The following ST6GALNAC3 variants were observed in gnomAD, a reference collection of about 807,000 sequenced individuals.
The protein encoded by ST6GALNAC3 is alpha-N-acetylgalactosaminide alpha-2,6-sialyltransferase 3.
Under a neutral mutation model 32.7 loss-of-function variants are expected in ST6GALNAC3, and 25 were observed. The observed-to-expected ratio is 0.76, with a 90% confidence interval of 0.56 to 1.07. ST6GALNAC3 has a LOEUF of 1.07. Ranked by LOEUF, ST6GALNAC3 falls within the 50% of genes least tolerant of loss-of-function variation. ST6GALNAC3 has a pLI of 0.00. For missense variants in ST6GALNAC3, 355 were observed against 382.4 expected (o/e 0.93, Z 0.60); for synonymous variants, 129 against 133.1 (o/e 0.97, Z 0.21).
chr1:76,462,715 A>C (rs1658363092), intron 3 of ST6GALNAC3, among the ~76,000 whole-genome samples: 1 of 152,184 alleles, frequency 6.6e-6, no homozygotes, highest in South Asian at 2.1e-4. Context: ...AGGCACATAG[A>C]CACAGTATTT....
At chr1:76,276,007 A>G (rs557737797) in intron 1 of ST6GALNAC3, among the ~76,000 whole-genome samples, 22 of 152,252 alleles carry the variant, frequency 1.4e-4, no homozygotes, top group Admixed American at 9.8e-4. Context: ...AATAGCTAGC[A>G]TTTCCAGGTT....
intron 2 of ST6GALNAC3, among the ~76,000 whole-genome samples, chr1:76,380,300 A>G (rs892679741): frequency 3.9e-5 from 6 of 152,212 alleles, no homozygotes; most frequent in African/African-American, 1.4e-4. Flanking sequence ...TAAACAAAAA[A>G]TGATGGATCA....
chr1:76,464,482 C>T (rs1013622142), intron 3 of ST6GALNAC3, among the ~76,000 whole-genome samples: 1 of 152,088 alleles, frequency 6.6e-6, no homozygotes, highest in African/African-American at 2.4e-5. Context: ...GTAGGTATCC[C>T]GGGAGGAATA....
chr1:76,573,158 GTC>G lies in ST6GALNAC3; in HGVS notation c.624-54292_624-54291del, dbSNP rs1346413360. On this transcript the variant is annotated intron_variant, in intron 3 of 4. Transcript: ENST00000328299. ...CAAACCTCTGAAGTCACTTAGCCATGTCTTTTCCAGGGGGCATGCAAGGCGAC... is the reference window on the plus strand; with the variant it reads ...CAAACCTCTGAAGTCACTTAGCCATGTTTTCCAGGGGGCATGCAAGGCGAC... Among the ~76,000 whole-genome samples the G allele has an allele frequency of 4.6e-5, 7 of 152,220 alleles. 1 individual carries two copies. The highest frequency in any genetic ancestry group is 1.7e-4 in the African/African-American group (7 of 41,544).
intron 3 of ST6GALNAC3, among the ~76,000 whole-genome samples, chr1:76,597,466 C>T (rs1382314257): frequency 6.6e-6 from 1 of 152,016 alleles, no homozygotes; most frequent in Non-Finnish European, 1.5e-5. Flanking sequence ...AGTTGAAATC[C>T]TAACCCCCAA....
chr1:76,614,814 G>A (rs140459981), intron 3 of ST6GALNAC3, among the ~76,000 whole-genome samples: 7 of 151,266 alleles, frequency 4.6e-5, no homozygotes, highest in African/African-American at 1.7e-4. Flanking sequence ...ATCTATTACC[G>A]GTAGCAATGG....
intron 1 of ST6GALNAC3, among the ~76,000 whole-genome samples, chr1:76,154,109 C>G (rs1489175131): frequency 6.6e-6 from 1 of 152,110 alleles, no homozygotes; most frequent in Non-Finnish European, 1.5e-5. Flanking sequence ...TAAAAATAGT[C>G]CAGTCATTTC....
chr1:76,535,217 G>T (rs1046567184), intron 3 of ST6GALNAC3, among the ~76,000 whole-genome samples: 1 of 152,056 alleles, frequency 6.6e-6, no homozygotes, highest in Non-Finnish European at 1.5e-5. Context: ...GCTTAGAAAA[G>T]TTCCTGGCAC....
rs1649216724 is a variant in ST6GALNAC3, at chr1:76,630,129, T to C, written c.*1323T>C. ...TAGCAGATGATCTGTAATTTGGTCATTGTTCTGTTATATTCCAGATTGCTC... is the reference window on the plus strand; with the variant it reads ...TAGCAGATGATCTGTAATTTGGTCACTGTTCTGTTATATTCCAGATTGCTC... On this transcript the variant is annotated 3_prime_UTR_variant, in exon 5 of 5. Transcript: ENST00000328299. 2 of 985,248 alleles carry C rather than the reference T, an allele frequency of 2.0e-6. No individual in the cohort carries two copies. The highest frequency in any genetic ancestry group is 2.4e-6 in the Non-Finnish European group (2 of 829,846). 61.0% of individuals were successfully genotyped at this position (985,248 alleles called of 1,614,324 possible). A position where few individuals can be genotyped will look rare whatever the true frequency, so the allele number is the denominator to read the frequency against.
intron 1 of ST6GALNAC3, among the ~76,000 whole-genome samples, chr1:76,300,709 T>C (rs1660677904): frequency 6.6e-6 from 1 of 152,090 alleles, no homozygotes; most frequent in African/African-American, 2.4e-5. Context: ...ATTAGCAATG[T>C]CTGCCTGGGG....
At chr1:76,217,134 C>A (rs1004147492) in intron 1 of ST6GALNAC3, among the ~76,000 whole-genome samples, 4 of 152,184 alleles carry the variant, frequency 2.6e-5, no homozygotes, top group Non-Finnish European at 4.4e-5. Context: ...CTCTAACTCC[C>A]TGCGAAAAAC....
At chr1:76,313,585 A>G in intron 1 of ST6GALNAC3, 1 of 661,224 alleles carries the variant, frequency 1.5e-6, no homozygotes, top group Non-Finnish European at 2.8e-6. Context: ...GATGCAATGG[A>G]AGAGTTCAAG....
At chr1:76,551,762 T>A (rs1664649191) in intron 3 of ST6GALNAC3, among the ~76,000 whole-genome samples, 1 of 152,214 alleles carries the variant, frequency 6.6e-6, no homozygotes, top group Non-Finnish European at 1.5e-5. Flanking sequence ...TGTCATATAT[T>A]AGAGCTTATT....
rs1369611533 is a variant in ST6GALNAC3 at position 76,427,382 on chromosome 1, C to G, written c.623+14965C>G. ...GAGGGTTCTGCTAGAAACATAGCCT[C>G]TCAGCCCTGTGGATTCAGAACCTCT... On this transcript the variant is annotated intron_variant, in intron 3 of 4. Coordinates refer to ENST00000328299, the MANE Select transcript of ST6GALNAC3 (RefSeq NM_152996.4). Among the ~76,000 whole-genome samples the G allele has an allele frequency of 4.6e-5, 7 of 152,044 alleles. No individual in the cohort carries two copies. In the East Asian group the frequency reaches 5.8e-4, roughly 13 times the overall value.
chr1:76,479,716 C>T (rs560064874), intron 3 of ST6GALNAC3, among the ~76,000 whole-genome samples: 5 of 152,206 alleles, frequency 3.3e-5, no homozygotes, highest in African/African-American at 1.2e-4. Flanking sequence ...AAGGTCTCAC[C>T]TCTCATCCCT....
chr1:76,268,630 C>G (rs1416783364), intron 1 of ST6GALNAC3, among the ~76,000 whole-genome samples: 1 of 152,182 alleles, frequency 6.6e-6, no homozygotes, highest in East Asian at 1.9e-4. Flanking sequence ...TCATTTCTAA[C>G]TAGCTTAGAA....
chr1:76,320,678 T>C (rs1332341829), intron 2 of ST6GALNAC3, among the ~76,000 whole-genome samples: 1 of 152,090 alleles, frequency 6.6e-6, no homozygotes, highest in Non-Finnish European at 1.5e-5. Context: ...GTAATTATGA[T>C]CTGGGAATGT....
At chr1:76,346,922 A>G (rs1468508720) in intron 2 of ST6GALNAC3, among the ~76,000 whole-genome samples, 1 of 152,236 alleles carries the variant, frequency 6.6e-6, no homozygotes, top group Non-Finnish European at 1.5e-5. Context: ...TACTTAGTAT[A>G]TAGACGTAGA....
chr1:76,400,936 T>A (rs1274074035), intron 2 of ST6GALNAC3, among the ~76,000 whole-genome samples: 4 of 152,042 alleles, frequency 2.6e-5, no homozygotes, highest in African/African-American at 9.7e-5. Flanking sequence ...CTTAAAACAC[T>A]TCTAATTTTA....
Sources: allele counts gnomAD v4.1 joint callset (sites outside exome capture counted in the v4.1 genomes callset), GRCh38; gene constraint gnomAD v4.1.1; transcripts MANE v1.5; gene names NCBI Gene and HGNC (gene_info 2026-07-23, HGNC 2026-07-21).